The following ITGA9 variants were observed in gnomAD, a reference collection of about 807,000 sequenced individuals.
The protein encoded by ITGA9 is integrin alpha-9.
ITGA9 carries 56 observed loss-of-function variants against 127.8 expected under a neutral mutation model. The ratio of observed to expected loss-of-function variants is 0.44; its 90% confidence interval spans 0.35 to 0.55. The LOEUF is 0.55. Ranked by LOEUF, ITGA9 falls within the 20% of genes least tolerant of loss-of-function variation. ITGA9 has a pLI of 0.00. For missense variants in ITGA9, 1,196 were observed against 1,347.1 expected, an observed-to-expected ratio of 0.89 and a Z score of 1.76; for synonymous variants, 508 against 514.5, an observed-to-expected ratio of 0.99 and a Z score of 0.17.
At chr3:37,635,786 C>T (rs1242238199) in intron 16 of ITGA9, among the ~76,000 whole-genome samples, 1 of 133,920 alleles carries the variant, frequency 7.5e-6, no homozygotes. Context: ...CCCCCTCCCC[C>T]AACCCCACAA....
At chr3:37,682,814 G>GGCAT (rs1164458130) in intron 17 of ITGA9, among the ~76,000 whole-genome samples, 1 of 152,056 alleles carries the variant, frequency 6.6e-6, no homozygotes, top group Non-Finnish European at 1.5e-5. Flanking sequence ...AAAATCTGTT[G>GGCAT]GCATGACCTT....
chr3:37,580,291 A>C (rs1476172799), intron 15 of ITGA9, among the ~76,000 whole-genome samples: 1 of 152,228 alleles, frequency 6.6e-6, no homozygotes, highest in East Asian at 1.9e-4. Context: ...AAATCTAGTT[A>C]CATAAATTTA....
chr3:37,546,275 G>A (rs1699325658), intron 15 of ITGA9, among the ~76,000 whole-genome samples: 1 of 152,160 alleles, frequency 6.6e-6, no homozygotes, highest in African/African-American at 2.4e-5. Flanking sequence ...TGTTAGAAAG[G>A]GAAATGATCA....
intron 1 of ITGA9, among the ~76,000 whole-genome samples, chr3:37,465,739 C>G (rs1409997401): frequency 6.6e-6 from 1 of 152,154 alleles, no homozygotes; most frequent in Non-Finnish European, 1.5e-5. Context: ...TCTTCCAAAC[C>G]CCAGCATGCC....
chr3:37,581,066 A>G (rs955276824), intron 15 of ITGA9, among the ~76,000 whole-genome samples: 6 of 152,218 alleles, frequency 3.9e-5, no homozygotes, highest in Non-Finnish European at 7.3e-5. Context: ...TACATAGGCT[A>G]AACTAAGAAG....
chr3:37,546,917 A>G lies in ITGA9; in HGVS notation c.1689+4332A>G, dbSNP rs150839999. 5.1e-4 allele frequency among the ~76,000 whole-genome samples: 77 copies of G among 152,336 alleles called. 1 individual carries two copies. The highest frequency in any genetic ancestry group is 3.9e-4 in the East Asian group (2 of 5,186). On this transcript the variant is annotated intron_variant, in intron 15 of 27. Coordinates refer to ENST00000264741, the MANE Select transcript of ITGA9 (RefSeq NM_002207.3). ...AGCTGTGCTCATCCTCTAATCCTGT[A>G]CAATACCTTGAGAGCACAGGCCTTT...
intron 15 of ITGA9, among the ~76,000 whole-genome samples, chr3:37,576,308 G>T (rs1032622923): frequency 6.6e-6 from 1 of 152,208 alleles, no homozygotes; most frequent in African/African-American, 2.4e-5. Flanking sequence ...AGAAACACGC[G>T]TAACTTTCCT....
intron 10 of ITGA9, among the ~76,000 whole-genome samples, chr3:37,518,771 CTTTTTTTTTTTTTTT>C (rs543297344): frequency 1.1e-4 from 5 of 43,492 alleles, no homozygotes; most frequent in Non-Finnish European, 2.0e-4. Flanking sequence ...TTTCACTGTA[CTTTTTTTTTTTTTTT>C]TTTTTTTTTT....
At chr3:37,802,488 C>T (rs1324954094) in intron 26 of ITGA9, among the ~76,000 whole-genome samples, 1 of 152,136 alleles carries the variant, frequency 6.6e-6, no homozygotes, top group Admixed American at 6.5e-5. Context: ...TGGAGAAAGA[C>T]CTGTGGTTGG....
chr3:37,639,727 G>A (rs1575176899), intron 16 of ITGA9, among the ~76,000 whole-genome samples: 1 of 152,264 alleles, frequency 6.6e-6, no homozygotes, highest in East Asian at 1.9e-4. Flanking sequence ...GCTTGTTGCA[G>A]GGGCCTTTGC....
At chr3:37,703,908 G>T (rs995111034) in intron 18 of ITGA9, among the ~76,000 whole-genome samples, 2 of 152,260 alleles carry the variant, frequency 1.3e-5, no homozygotes, top group African/African-American at 4.8e-5. Flanking sequence ...CTTAGTGAGT[G>T]GTGGGGCTGG....
chr3:37,742,111 A>G (rs780858225), intron 21 of ITGA9, among the ~76,000 whole-genome samples: 2 of 152,182 alleles, frequency 1.3e-5, no homozygotes, highest in African/African-American at 2.4e-5. Flanking sequence ...TTATGTGCAT[A>G]TATTCTCATC....
chr3:37,799,161 A>G lies in ITGA9; in HGVS notation c.2890-4662A>G, dbSNP rs1482114876. On this transcript the variant is annotated intron_variant, in intron 26 of 27. Transcript: ENST00000264741. The surrounding 1 kb of genome is among the most constrained non-coding windows in gnomAD (Gnocchi z 4.0). ...TGAATTAATGGATCAAAGGGTATGA[A>G]CATTTTTATTTTATTTTTTAATTTT... Among the ~76,000 whole-genome samples the G allele has an allele frequency of 6.6e-6, 1 of 152,094 alleles. No individual in the cohort carries two copies. The highest frequency in any genetic ancestry group is 1.5e-5 in the Non-Finnish European group (1 of 68,012).
Position 37,494,530 on chromosome 3 carries a change from G to A in ITGA9, c.574G>A (p.Gly192Ser), listed in dbSNP as rs781632049. Residue 192 changes from glycine (G) to serine (S), a missense_variant, in exon 5 of 28, where the codon GGC becomes AGC. Transcript: ENST00000264741. ...EYKKKYGEEH[G>S]SCQAGIAGFF... ...TAAGAAGAAGTACGGAGAGGAACAC[G>A]GCTCCTGCCAGGCTGGGATAGCGGG... The A allele has an allele frequency of 1.2e-6, 2 of 1,613,882 alleles. No homozygotes were observed. The highest frequency in any genetic ancestry group is 1.7e-6 in the Non-Finnish European group (2 of 1,179,772).
At chr3:37,522,042 G>T (rs1699049241) in intron 11 of ITGA9, among the ~76,000 whole-genome samples, 1 of 152,054 alleles carries the variant, frequency 6.6e-6, no homozygotes, top group African/African-American at 2.4e-5. Context: ...GCCTCCATCT[G>T]TAGATCCTGT....
At chr3:37,789,604 C>CAAA (rs201164890) in intron 26 of ITGA9, among the ~76,000 whole-genome samples, 1 of 137,800 alleles carries the variant, frequency 7.3e-6, no homozygotes, top group Non-Finnish European at 1.6e-5. Flanking sequence ...CTAAAAAATA[C>CAAA]CAAAAAAAAA....
chr3:37,520,444 G>A (rs1699032835), intron 11 of ITGA9, among the ~76,000 whole-genome samples: 1 of 152,144 alleles, frequency 6.6e-6, no homozygotes, highest in Non-Finnish European at 1.5e-5. Context: ...CTTGCCCAAG[G>A]TCATAAGTGG....
rs180706591 is a variant in ITGA9 at position 37,671,941 on chromosome 3, A to G, written c.1917-11924A>G. ...TTATGCAGTATTTGAATATATAAAT[A>G]TGAACATAAAGCCACGTACAGTTAT... On this transcript the variant is annotated intron_variant, in intron 17 of 27. Transcript: ENST00000264741. Among the ~76,000 whole-genome samples the G allele has an allele frequency of 4.6e-5, 7 of 152,356 alleles. No individual in the cohort carries two copies. In the East Asian group the frequency reaches 1.2e-3, roughly 25 times the overall value.
At chr3:37,714,887 C>G (rs541884583) in intron 18 of ITGA9, among the ~76,000 whole-genome samples, 1 of 152,198 alleles carries the variant, frequency 6.6e-6, no homozygotes, top group Non-Finnish European at 1.5e-5. Context: ...CCACTGAATA[C>G]GGGCATCTGT....
Sources: allele counts gnomAD v4.1 joint callset (sites outside exome capture counted in the v4.1 genomes callset), GRCh38; gene constraint gnomAD v4.1.1; non-coding constraint Gnocchi (gnomAD v3.1); transcripts MANE v1.5; gene names NCBI Gene and HGNC (gene_info 2026-07-23, HGNC 2026-07-21).